CES5A: variants seen among roughly 807,000 people sequenced by gnomAD.
The protein encoded by CES5A is carboxylesterase 5A, also known as carboxylesterase 5.
CES5A carries 67 observed loss-of-function variants against 62.9 expected under a neutral mutation model. The ratio of observed to expected loss-of-function variants is 1.07; its 90% CI spans 0.88 to 1.31. The LOEUF is 1.31. Ranked by LOEUF, CES5A falls within the 50% of genes most tolerant of loss-of-function variation. CES5A has a pLI of 0.00. For missense variants in CES5A, 748 were observed against 708.5 expected (o/e 1.06, Z -0.63); for synonymous variants, 296 against 280.8 (o/e 1.05, Z -0.54).
chr16:55,865,937 T>C lies in CES5A; in HGVS notation c.705+26A>G, dbSNP rs551387574. 1.9e-6 allele frequency: 3 copies of C among 1,613,968 alleles called. No homozygotes were observed. In the South Asian group the frequency reaches 3.3e-5, roughly 18 times the overall value. Reference sequence around the variant, plus strand: ...TTGGAACCTCCGGCACTGAGATTCATTCAAACCACAAAGCAGAGAACTCAC... The same window carrying C: ...TTGGAACCTCCGGCACTGAGATTCACTCAAACCACAAAGCAGAGAACTCAC... On this transcript the variant is annotated intron_variant, in intron 5 of 12. Transcript: ENST00000290567.
At chr16:55,934,533 A>G (rs773494539) in intron 2 of CES5A, among the ~76,000 whole-genome samples, 2 of 152,150 alleles carry the variant, frequency 1.3e-5, no homozygotes, top group Non-Finnish European at 2.9e-5. Context: ...AAAGTGCTTG[A>G]CCCATAGTAG....
intron 11 of CES5A, among the ~76,000 whole-genome samples, chr16:55,849,208 G>C (rs572301940): frequency 6.6e-6 from 1 of 152,140 alleles, no homozygotes; most frequent in South Asian, 2.1e-4. Flanking sequence ...TCTTCTGGGT[G>C]CAGACCACTT....
intron 1 of CES5A, among the ~76,000 whole-genome samples, chr16:55,895,993 T>A (rs1423110604): frequency 2.0e-5 from 3 of 152,196 alleles, no homozygotes; most frequent in Non-Finnish European, 4.4e-5. Context: ...GAGTTTAGCT[T>A]CCTCAGTTTC....
chr16:55,877,115 G>A (rs1359028422), upstream of CES5A, among the ~76,000 whole-genome samples: 2 of 152,164 alleles, frequency 1.3e-5, no homozygotes, highest in Non-Finnish European at 2.9e-5. Context: ...AACAACGCAA[G>A]GACTTCTGCA....
intron 1 of CES5A, among the ~76,000 whole-genome samples, chr16:55,891,034 C>G (rs536528649): frequency 6.6e-6 from 1 of 152,092 alleles, no homozygotes; most frequent in Non-Finnish European, 1.5e-5. Context: ...TTCCGATTAT[C>G]TGCTCCACCC....
intron 2 of CES5A, among the ~76,000 whole-genome samples, chr16:55,936,239 C>T (rs1311156092): frequency 2.6e-5 from 4 of 152,156 alleles, no homozygotes; most frequent in South Asian, 2.1e-4. Context: ...CTTTCCATGC[C>T]TCAAAGAATT....
chr16:55,908,552 G>T (rs1270838214), intron 1 of CES5A, among the ~76,000 whole-genome samples: 7 of 152,106 alleles, frequency 4.6e-5, no homozygotes, highest in African/African-American at 1.7e-4. Flanking sequence ...TAGAGACAGG[G>T]TTTCTCCATG....
At chr16:55,897,339 C>T (rs868483638) in intron 1 of CES5A, among the ~76,000 whole-genome samples, 5 of 152,182 alleles carry the variant, frequency 3.3e-5, no homozygotes, top group African/African-American at 1.2e-4. Flanking sequence ...CACCAAAATG[C>T]CAAGATGCTC....
At chr16:55,916,802 C>A (rs1226780709) in intron 1 of CES5A, among the ~76,000 whole-genome samples, 1 of 152,190 alleles carries the variant, frequency 6.6e-6, no homozygotes, top group Non-Finnish European at 1.5e-5. Context: ...CAATCACTTC[C>A]CTGCTCCCTG....
intron 11 of CES5A, 57 bp downstream of exon 11, chr16:55,849,567 C>G: frequency 6.3e-7 from 1 of 1,581,976 alleles, no homozygotes; most frequent in Non-Finnish European, 8.6e-7. Context: ...GCGCTTGCAT[C>G]GTGGTGGGGT....
At chr16:55,908,364 T>A (rs548028917) in intron 1 of CES5A, among the ~76,000 whole-genome samples, 61 of 152,064 alleles carry the variant, frequency 4.0e-4, no homozygotes, top group African/African-American at 1.4e-3. Context: ...TGTTTGTTTG[T>A]TTGTTTGTTT....
rs564499343 is a variant in CES5A at position 55,849,807 on chromosome 16, G to A, written c.1274-34C>T. 2.5e-6 allele frequency: 4 copies of A among 1,604,828 alleles called. No individual in the cohort carries two copies. In the African/African-American group the frequency reaches 5.3e-5, roughly 21 times the overall value. On this transcript the variant is annotated intron_variant, in intron 10 of 12. Transcript: ENST00000290567. ...AGGTCAGGGAAGGTCAGGCATGCAT[G>A]CAGCGCGGAGCAGGGGGCTGGCTCT...
chr16:55,866,690 T>C (rs1203666434), intron 4 of CES5A, among the ~76,000 whole-genome samples: 1 of 114,070 alleles, frequency 8.8e-6, no homozygotes, highest in Non-Finnish European at 2.1e-5. Flanking sequence ...ACAAAAAAAT[T>C]AGCTGGACAC....
chr16:55,924,509 T>C (rs2034239642), intron 1 of CES5A, among the ~76,000 whole-genome samples: 1 of 151,958 alleles, frequency 6.6e-6, no homozygotes, highest in Non-Finnish European at 1.5e-5. Context: ...AAGCAATTTA[T>C]AGATTCAATG....
chr16:55,919,067 C>G (rs1308676390), intron 1 of CES5A, among the ~76,000 whole-genome samples: 3 of 152,200 alleles, frequency 2.0e-5, no homozygotes, highest in African/African-American at 7.2e-5. Context: ...CTACCCCACT[C>G]CATCTCTAAT....
chr16:55,923,014 C>A (rs2034223752), intron 1 of CES5A, among the ~76,000 whole-genome samples: 1 of 151,352 alleles, frequency 6.6e-6, no homozygotes, highest in Non-Finnish European at 1.5e-5. Context: ...TACAACATAA[C>A]TATATATGGG....
At chr16:55,904,762 C>A (rs1342282475) in intron 1 of CES5A, among the ~76,000 whole-genome samples, 2 of 152,156 alleles carry the variant, frequency 1.3e-5, no homozygotes, top group East Asian at 3.9e-4. Flanking sequence ...AATAGACCCA[C>A]CTGGCACAGC....
intron 8 of CES5A, among the ~76,000 whole-genome samples, chr16:55,859,180 T>G (rs1278845861): frequency 1.3e-5 from 2 of 152,246 alleles, no homozygotes; most frequent in East Asian, 1.9e-4. Flanking sequence ...GTGAAAAATT[T>G]GAAGGACTGA....
intron 11 of CES5A, among the ~76,000 whole-genome samples, chr16:55,849,036 T>A (rs1281895175): frequency 6.6e-6 from 1 of 152,236 alleles, no homozygotes; most frequent in Non-Finnish European, 1.5e-5. Context: ...GTAATGTTTC[T>A]AACTAAATAT....
Sources: gnomAD v4.1 joint callset for allele counts (sites outside exome capture counted in the v4.1 genomes callset) on GRCh38, gnomAD v4.1.1 for gene constraint, MANE v1.5 for transcripts, NCBI Gene and HGNC (gene_info 2026-07-23, HGNC 2026-07-21) for gene names.